Variants in RANBP2 observed in about 807,000 individuals in gnomAD.
RANBP2 encodes RAN binding protein 2.
In RANBP2, 57 loss-of-function variants were observed where a neutral mutation model predicts 303.6. The ratio of observed to expected loss-of-function variants is 0.19; its 90% CI spans 0.15 to 0.23. The LOEUF (loss-of-function observed/expected upper bound fraction) is 0.23, where lower values mean the gene tolerates loss of function less well. Ranked by LOEUF, RANBP2 falls within the 10% of genes least tolerant of loss-of-function variation. The pLI is 1.00. For synonymous variants in RANBP2, 1,167 were observed against 1,301.5 expected (o/e 0.90, Z 2.23); for missense variants, 3,138 against 3,780.8 (o/e 0.83, Z 4.46).
the RANBP2 span, among the ~76,000 whole-genome samples, chr2:109,200,359 G>A: frequency 2.0e-5 from 3 of 151,988 alleles, no homozygotes; most frequent in African/African-American, 4.8e-5. Flanking sequence ...AGGCTCCTTC[G>A]TGGGGTTGCC....
the RANBP2 span, among the ~76,000 whole-genome samples, chr2:109,052,606 T>C: frequency 6.6e-6 from 1 of 152,200 alleles, no homozygotes; most frequent in Non-Finnish European, 1.5e-5. Flanking sequence ...AAATACGAAA[T>C]GCCTAGTGTC....
chr2:109,248,686 C>T, the RANBP2 span, among the ~76,000 whole-genome samples: 1 of 152,032 alleles, frequency 6.6e-6, no homozygotes, highest in African/African-American at 2.4e-5. Context: ...AAATGAAGTA[C>T]TGCATTTCTT....
chr2:109,249,243 T>G, the RANBP2 span, among the ~76,000 whole-genome samples: 186 of 152,336 alleles, frequency 1.2e-3, no homozygotes, highest in Non-Finnish European at 2.2e-3. Context: ...CTGTTCTTTC[T>G]TCAGGTTTCT....
At chr2:109,080,539 A>C in the RANBP2 span, among the ~76,000 whole-genome samples, 3 of 152,148 alleles carry the variant, frequency 2.0e-5, no homozygotes, top group Non-Finnish European at 4.4e-5. Flanking sequence ...GCTCTCATCT[A>C]TCTCACTGTC....
the RANBP2 span, among the ~76,000 whole-genome samples, chr2:109,570,308 T>C: frequency 2.0e-5 from 3 of 152,172 alleles, no homozygotes; most frequent in Non-Finnish European, 2.9e-5. Context: ...TTGGTTTGAA[T>C]GAAATAAGGT....
chr2:109,404,381 C>A, the RANBP2 span, among the ~76,000 whole-genome samples: 1 of 152,198 alleles, frequency 6.6e-6, no homozygotes, highest in Non-Finnish European at 1.5e-5. Flanking sequence ...CGATGCAGAA[C>A]AGGCCAGCGC....
chr2:108,786,690 C>T, downstream of RANBP2: 1 of 839,918 alleles, frequency 1.2e-6, no homozygotes, highest in Non-Finnish European at 1.9e-6. Context: ...GGTCGCCCCG[C>T]CCCGCCCTTT....
At chr2:108,755,324 A>G (rs1676221900) in intron 17 of RANBP2, 65 bp downstream of exon 17, 1 of 1,607,184 alleles carries the variant, frequency 6.2e-7, no homozygotes, top group Non-Finnish European at 8.5e-7. Context: ...CCACTCTCTC[A>G]CTTTTTTTCT....
At chr2:109,683,063 T>C in the RANBP2 span, among the ~76,000 whole-genome samples, 2 of 152,166 alleles carry the variant, frequency 1.3e-5, no homozygotes, top group Admixed American at 6.6e-5. Flanking sequence ...TGGAGTGCAG[T>C]GGCGTGATGT....
the RANBP2 span, among the ~76,000 whole-genome samples, chr2:109,252,012 G>A: frequency 6.6e-6 from 1 of 152,134 alleles, no homozygotes; most frequent in Non-Finnish European, 1.5e-5. Flanking sequence ...GGAGGCCAAG[G>A]TAGGAGGATG....
chr2:108,761,020 GTTAGA>G (rs1449165244), intron 18 of RANBP2, among the ~76,000 whole-genome samples: 1 of 151,138 alleles, frequency 6.6e-6, no homozygotes, highest in Non-Finnish European at 1.5e-5. Context: ...GCTTTTAAAA[GTTAGA>G]TTACTTTTAG....
the RANBP2 span, among the ~76,000 whole-genome samples, chr2:109,040,286 T>TC: frequency 3.5e-4 from 54 of 152,346 alleles, no homozygotes; most frequent in Admixed American, 1.6e-3. Flanking sequence ...TTCTGGGGTC[T>TC]CCATTCTGTT....
chr2:108,813,856 G>GC, the RANBP2 span, among the ~76,000 whole-genome samples: 1 of 152,096 alleles, frequency 6.6e-6, no homozygotes, highest in Non-Finnish European at 1.5e-5. Flanking sequence ...TTGGTCAGTG[G>GC]AATTGTATTG....
At chr2:109,727,493 T>C in the RANBP2 span, among the ~76,000 whole-genome samples, 49 of 152,212 alleles carry the variant, frequency 3.2e-4, no homozygotes, top group African/African-American at 1.1e-3. Context: ...TTTCACTACA[T>C]GTACCTGCTC....
chr2:108,792,792 C>A, the RANBP2 span, among the ~76,000 whole-genome samples: 1 of 152,192 alleles, frequency 6.6e-6, no homozygotes, highest in Non-Finnish European at 1.5e-5. Context: ...CGGCCAGGCG[C>A]GGTGGCTCAC....
At chr2:109,078,096 A>ATATATATATATAGCG in the RANBP2 span, among the ~76,000 whole-genome samples, 2 of 54,652 alleles carry the variant, frequency 3.7e-5, no homozygotes, top group African/African-American at 1.1e-4. Context: ...ATATATATAT[A>ATATATATATATAGCG]TATATATATA....
At chr2:108,739,676 T>C (rs1160370748) in intron 6 of RANBP2, among the ~76,000 whole-genome samples, 1 of 152,136 alleles carries the variant, frequency 6.6e-6, no homozygotes, top group East Asian at 1.9e-4. Context: ...TTAGAAGAAC[T>C]AATTTAGAAT....
At chr2:109,697,485 TAA>T in the RANBP2 span, among the ~76,000 whole-genome samples, 1,553 of 139,304 alleles carry the variant, frequency 0.011, 25 homozygotes, top group African/African-American at 0.039. Context: ...AACTCTGTCT[TAA>T]AAAAAAAAAA....
At chr2:109,737,520 A>G in the RANBP2 span, 1 of 562,904 alleles carries the variant, frequency 1.8e-6, no homozygotes, top group East Asian at 3.1e-5. Context: ...CGCGGGCACC[A>G]TGGCAGTAGT....
Sources: allele counts gnomAD v4.1 joint callset (sites outside exome capture counted in the v4.1 genomes callset), GRCh38; gene constraint gnomAD v4.1.1; transcripts MANE v1.5; gene names NCBI Gene and HGNC (gene_info 2026-07-23, HGNC 2026-07-21).